ZNF362: variants seen among roughly 807,000 people sequenced by gnomAD.
ZNF362 encodes rotund homolog.
Under a neutral mutation model 42.9 loss-of-function variants are expected in ZNF362, and 11 were observed. That is an observed-to-expected ratio of 0.26 (90% confidence interval 0.16 to 0.42). The LOEUF is 0.42. Ranked by LOEUF, ZNF362 falls within the 20% of genes least tolerant of loss-of-function variation. The pLI, the probability that ZNF362 is intolerant of heterozygous loss-of-function variation, is 1.00. For missense variants in ZNF362, 362 were observed against 576.2 expected, an observed-to-expected ratio of 0.63 and a Z score of 3.81; for synonymous variants, 255 against 257.3, an observed-to-expected ratio of 0.99 and a Z score of 0.09.
At chr1:33,277,279 A>G (rs1290338409) in intron 4 of ZNF362, among the ~76,000 whole-genome samples, 1 of 152,258 alleles carries the variant, frequency 6.6e-6, no homozygotes, top group Non-Finnish European at 1.5e-5. Flanking sequence ...GAGGAAACTG[A>G]GGCAGAGAAA....
the ZNF362 span, among the ~76,000 whole-genome samples, chr1:33,139,722 T>C: frequency 1.3e-5 from 2 of 152,248 alleles, no homozygotes; most frequent in South Asian, 4.2e-4. Context: ...AAGGCTGTGG[T>C]GCGTGGCCAT....
chr1:33,280,425 G>A lies in ZNF362; in HGVS notation c.651G>A (p.Ser217=), dbSNP rs1225587230. The A allele has an allele frequency of 1.1e-5, 17 of 1,608,190 alleles. No individual in the cohort carries two copies. Among genetic ancestry groups the A allele is most frequent in the Middle Eastern group, 1.6e-4 (1 of 6,072 alleles). Residue 217 remains serine, a synonymous_variant, in exon 5 of 9, where the codon TCG becomes TCA. Coordinates refer to ENST00000539719, the MANE Select transcript of ZNF362 (RefSeq NM_152493.3). The surrounding 1 kb of genome is among the most constrained non-coding windows in gnomAD (Gnocchi z 5.6). ...VLVVPYPILA[S]GETAKEGKTY... is the part of the protein sequence containing the mutation. ...TAGTCCCCTATCCCATCCTGGCCTC[G>A]GGCGAGACTGCCAAGGAGGGCAAGA...
chr1:33,173,692 TC>T, the ZNF362 span, among the ~76,000 whole-genome samples: 29 of 131,224 alleles, frequency 2.2e-4, no homozygotes, highest in African/African-American at 6.2e-4. Context: ...TTTTTTTTTT[TC>T]CCTAATTAAA....
rs1367246979 is a variant in ZNF362 at position 33,276,609 on chromosome 1, C to T, written c.349+15C>T. 11 of 1,316,818 alleles carry T rather than the reference C, an allele frequency of 8.4e-6. No homozygotes were observed. The highest frequency in any genetic ancestry group is 1.1e-5 in the Non-Finnish European group (11 of 1,036,586). The allele number at this position is 1,316,818 out of a possible 1,614,324, so 81.6% of individuals were successfully genotyped here. On this transcript the variant is annotated intron_variant, in intron 4 of 8. Transcript: ENST00000539719. ...CACCGTCACAGGTAGGCCGAGCGGG[C>T]GGGGCCGGCGGGGCCGGTGAGGACT...
chr1:33,281,947 C>T lies in ZNF362; in HGVS notation c.908+136C>T, dbSNP rs1040802724. ...CCCTCGGGGTCACGGCCCTTGTGGA[C>T]CTCACTGGCCTCAGCTGTTGTTACT... On this transcript the variant is annotated intron_variant, in intron 6 of 8. Coordinates refer to ENST00000539719, the MANE Select transcript of ZNF362 (RefSeq NM_152493.3). The surrounding 1 kb of genome is among the most constrained non-coding windows in gnomAD (Gnocchi z 4.8). 10 of 774,330 alleles carry T rather than the reference C, an allele frequency of 1.3e-5. No homozygotes were observed. In the African/African-American group the frequency reaches 1.7e-4, roughly 13 times the overall value. The allele number at this position is 774,330 out of a possible 1,614,324, so 48.0% of individuals were successfully genotyped here. A position where few individuals can be genotyped will look rare whatever the true frequency, so the allele number is the denominator to read the frequency against.
chr1:33,206,890 A>G, the ZNF362 span, among the ~76,000 whole-genome samples: 1 of 152,166 alleles, frequency 6.6e-6, no homozygotes, highest in Non-Finnish European at 1.5e-5. Flanking sequence ...ACTACTATGC[A>G]CCTGTTGTAA....
the ZNF362 span, among the ~76,000 whole-genome samples, chr1:33,170,955 G>A: frequency 6.6e-6 from 1 of 152,244 alleles, no homozygotes; most frequent in Non-Finnish European, 1.5e-5. Context: ...AGCGGTCACT[G>A]TGTCCCGTAT....
chr1:33,203,096 A>G, the ZNF362 span, among the ~76,000 whole-genome samples: 1 of 152,088 alleles, frequency 6.6e-6, no homozygotes, highest in African/African-American at 2.4e-5. Flanking sequence ...TGTTCATCCT[A>G]CATAGCTACA....
chr1:33,299,329 T>A lies in ZNF362; in HGVS notation c.*283T>A. The A allele has an allele frequency of 4.1e-6, 1 of 246,164 alleles. No individual in the cohort carries two copies. The highest frequency in any genetic ancestry group is 6.6e-5 in the East Asian group (1 of 15,174). 15.2% of individuals were successfully genotyped at this position (246,164 alleles called of 1,614,324 possible). ...TTTTGTTCCCCACCCTTCACTTGCT[T>A]CACTGTTTTTTTTTTTTTCGTTTTT... On this transcript the variant is annotated 3_prime_UTR_variant, in exon 9 of 9. Coordinates refer to ENST00000539719, the MANE Select transcript of ZNF362 (RefSeq NM_152493.3).
At chr1:33,296,739 G>T (rs1055473183) in intron 8 of ZNF362, among the ~76,000 whole-genome samples, 1 of 152,016 alleles carries the variant, frequency 6.6e-6, no homozygotes, top group East Asian at 1.9e-4. Flanking sequence ...AATTAGGTCA[G>T]TTGGGGCCTT....
chr1:33,161,717 C>T, the ZNF362 span, among the ~76,000 whole-genome samples: 1 of 152,156 alleles, frequency 6.6e-6, no homozygotes, highest in Non-Finnish European at 1.5e-5. The surrounding 1 kb of genome is among the most constrained non-coding windows in gnomAD (Gnocchi z 4.3). Context: ...GTCCGTCGTC[C>T]CTGCACCACC....
At chr1:33,137,615 G>A in the ZNF362 span, among the ~76,000 whole-genome samples, 1 of 152,248 alleles carries the variant, frequency 6.6e-6, no homozygotes, top group African/African-American at 2.4e-5. Context: ...GGGGGATCTT[G>A]CCCAACATCA....
At chr1:33,135,887 G>A in the ZNF362 span, among the ~76,000 whole-genome samples, 1 of 150,128 alleles carries the variant, frequency 6.7e-6, no homozygotes, top group African/African-American at 2.5e-5. Context: ...GATTGAATGA[G>A]GGAGTGAGGG....
At chr1:33,170,387 T>A in the ZNF362 span, among the ~76,000 whole-genome samples, 1 of 151,276 alleles carries the variant, frequency 6.6e-6, no homozygotes, top group Non-Finnish European at 1.5e-5. Flanking sequence ...CGAGACCCCA[T>A]CTTTAAAACA....
At chr1:33,263,334 T>C (rs1645841834) in intron 1 of ZNF362, among the ~76,000 whole-genome samples, 1 of 152,116 alleles carries the variant, frequency 6.6e-6, no homozygotes, top group African/African-American at 2.4e-5. Flanking sequence ...TGAGGATAGA[T>C]GGGAGGAAAA....
the ZNF362 span, among the ~76,000 whole-genome samples, chr1:33,243,506 GTGTT>G: frequency 6.6e-6 from 1 of 152,022 alleles, no homozygotes; most frequent in Admixed American, 6.6e-5. Flanking sequence ...ACTTTTAAAA[GTGTT>G]TGGAGGGAAT....
At chr1:33,166,822 A>G in the ZNF362 span, among the ~76,000 whole-genome samples, 1 of 152,228 alleles carries the variant, frequency 6.6e-6, no homozygotes, top group African/African-American at 2.4e-5. Flanking sequence ...CTCAGGTTCC[A>G]GTGTGGCTCA....
At chr1:33,249,926 A>G in the ZNF362 span, among the ~76,000 whole-genome samples, 2 of 152,198 alleles carry the variant, frequency 1.3e-5, no homozygotes, top group Non-Finnish European at 2.9e-5. Context: ...TAAAGTCACT[A>G]TCTTTAAATG....
chr1:33,201,823 A>C, the ZNF362 span, among the ~76,000 whole-genome samples: 1 of 152,230 alleles, frequency 6.6e-6, no homozygotes, highest in African/African-American at 2.4e-5. Flanking sequence ...ATGACAACAA[A>C]AGCTGGTTCA....
Sources: allele counts gnomAD v4.1 joint callset (sites outside exome capture counted in the v4.1 genomes callset), GRCh38; gene constraint gnomAD v4.1.1; non-coding constraint Gnocchi (gnomAD v3.1); transcripts MANE v1.5; gene names NCBI Gene and HGNC (gene_info 2026-07-23, HGNC 2026-07-21).